The following RBFOX1 variants were observed in gnomAD, a reference collection of about 807,000 sequenced individuals.
RBFOX1 encodes the protein RNA binding fox-1 homolog 1.
Under a neutral mutation model 57.7 loss-of-function variants are expected in RBFOX1, and 8 were observed. That is an observed-to-expected ratio of 0.14 (90% CI 0.08 to 0.25). RBFOX1 has a LOEUF of 0.25. Ranked by LOEUF, RBFOX1 falls within the 10% of genes least tolerant of loss-of-function variation. RBFOX1 has a pLI of 1.00. For synonymous variants in RBFOX1, 326 were observed against 222.4 expected, an observed-to-expected ratio of 1.47 and a Z score of -4.15; for missense variants, 611 against 548.5, an observed-to-expected ratio of 1.11 and a Z score of -1.14.
intron 3 of RBFOX1, among the ~76,000 whole-genome samples, chr16:6,916,596 G>A (rs2073220993): frequency 6.6e-6 from 1 of 151,924 alleles, no homozygotes; most frequent in African/African-American, 2.4e-5. Context: ...CACTTGTAAG[G>A]CCTTCCATCT....
Position 7,504,802 on chromosome 16 carries a change from T to TA in RBFOX1, c.28-13345_28-13344insA, listed in dbSNP as rs1257816857. Among the ~76,000 whole-genome samples the TA allele has an allele frequency of 7.6e-4, 45 of 59,342 alleles. 6 individuals are homozygous for TA. Among genetic ancestry groups the TA allele is most frequent in the African/African-American group, 2.6e-3 (42 of 16,370 alleles). The allele number at this position is 59,342 out of a possible 152,430, so 38.9% of individuals were successfully genotyped here. On this transcript the variant is annotated intron_variant, in intron 4 of 15. Coordinates refer to ENST00000550418, the MANE Select transcript of RBFOX1 (RefSeq NM_018723.4). Reference sequence around the variant, plus strand: ...ATATATATATTTATATATATATATATTTATATATATATATATAGTGACTAA... The same window carrying TA: ...ATATATATATTTATATATATATATATATTATATATATATATATAGTGACTAA...
At chr16:6,719,680 T>C (rs1041527624) in intron 3 of RBFOX1, among the ~76,000 whole-genome samples, 10 of 151,936 alleles carry the variant, frequency 6.6e-5, no homozygotes, top group Admixed American at 5.9e-4. Context: ...TCTCCTGACC[T>C]TGTGATCCAC....
rs377505585 is a variant in RBFOX1, at chr16:6,676,901, C to A, written c.-16+22251C>A. 4.1e-4 allele frequency among the ~76,000 whole-genome samples: 62 copies of A among 152,074 alleles called. 1 individual carries two copies. The East Asian group carries it at 0.011, about 27-fold the overall frequency. ...ATGTTGGCCATGCTGGTTTTGAACC[C>A]TTGACCTCAGGTGATCTGCCCACCT... is the stretch of plus-strand genomic sequence containing the variant. On this transcript the variant is annotated intron_variant, in intron 3 of 15. Transcript: ENST00000550418.
At chr16:5,258,015 AC>A (rs1307376691) in intron 1 of RBFOX1, among the ~76,000 whole-genome samples, 1 of 151,976 alleles carries the variant, frequency 6.6e-6, no homozygotes, top group Non-Finnish European at 1.5e-5. Flanking sequence ...AGTAGCTGGG[AC>A]TGCGGGTGCA....
At chr16:6,897,149 A>G (rs917169231) in intron 3 of RBFOX1, among the ~76,000 whole-genome samples, 2 of 152,218 alleles carry the variant, frequency 1.3e-5, no homozygotes, top group Admixed American at 1.3e-4. Flanking sequence ...TAACTTGCCC[A>G]AGCTGACACA....
intron 4 of RBFOX1, among the ~76,000 whole-genome samples, chr16:6,008,217 C>T (rs77562254): frequency 0.019 from 2,419 of 126,848 alleles, 16 homozygotes; most frequent in South Asian, 0.081. Context: ...CCACCCACCC[C>T]CCAAAAAAAG....
intron 2 of RBFOX1, among the ~76,000 whole-genome samples, chr16:5,496,182 C>T (rs757248842): frequency 6.6e-6 from 1 of 152,164 alleles, no homozygotes; most frequent in Non-Finnish European, 1.5e-5. Flanking sequence ...CCAAACCCCG[C>T]TGAGCACATC....
intron 1 of RBFOX1, among the ~76,000 whole-genome samples, chr16:5,286,021 C>T (rs1295897574): frequency 2.6e-5 from 4 of 152,142 alleles, no homozygotes; most frequent in South Asian, 2.1e-4. Flanking sequence ...CTGCCCACAT[C>T]GGCCTCCCAA....
rs112121487 is a variant in RBFOX1 at position 6,964,949 on chromosome 16, C to A, written c.-15-87108C>A. Among the ~76,000 whole-genome samples, 793 of 152,264 alleles carry A rather than the reference C, an allele frequency of 5.2e-3. 3 individuals are homozygous for A. The highest frequency in any genetic ancestry group is 0.018 in the African/African-American group (748 of 41,542). On this transcript the variant is annotated intron_variant, in intron 3 of 15. Transcript: ENST00000550418. ...TCTGCGGATTAAAGGAGATAACAGACGCCAGGCACTTAGCAGCGAGTGTGG... is the reference window on the plus strand; with the variant it reads ...TCTGCGGATTAAAGGAGATAACAGAAGCCAGGCACTTAGCAGCGAGTGTGG...
intron 4 of RBFOX1, among the ~76,000 whole-genome samples, chr16:7,315,475 G>C (rs2096416954): frequency 6.8e-6 from 1 of 147,470 alleles, no homozygotes; most frequent in African/African-American, 2.5e-5. Flanking sequence ...CCCATACTGG[G>C]GGCTTGAATT....
chr16:5,394,459 GC>G (rs1425203028), intron 1 of RBFOX1, among the ~76,000 whole-genome samples: 1 of 151,800 alleles, frequency 6.6e-6, no homozygotes, highest in Admixed American at 6.6e-5. Flanking sequence ...ATATCATCTG[GC>G]TCTTCGCTTT....
chr16:7,393,923 C>G (rs76728171), intron 4 of RBFOX1, among the ~76,000 whole-genome samples: 9,875 of 152,030 alleles, frequency 0.065, 399 homozygotes, highest in East Asian at 0.2. Flanking sequence ...GGGAGGATGG[C>G]TGAGGCACCA....
At chr16:7,354,075 G>C (rs1323701148) in intron 4 of RBFOX1, among the ~76,000 whole-genome samples, 1 of 152,074 alleles carries the variant, frequency 6.6e-6, no homozygotes, top group South Asian at 2.1e-4. Context: ...AGGTTCAAGC[G>C]ATTCTCCTGC....
intron 5 of RBFOX1, among the ~76,000 whole-genome samples, chr16:7,556,115 C>A (rs533413212): frequency 3.0e-4 from 46 of 152,300 alleles, no homozygotes; most frequent in Non-Finnish European, 5.4e-4. Flanking sequence ...GGTAAACACT[C>A]TAAATTTTCT....
chr16:5,746,165 A>T (rs1436990205), intron 3 of RBFOX1, among the ~76,000 whole-genome samples: 1 of 152,198 alleles, frequency 6.6e-6, no homozygotes, highest in African/African-American at 2.4e-5. Context: ...ATGGCTAGCC[A>T]GTTTTCCCAG....
intron 1 of RBFOX1, among the ~76,000 whole-genome samples, chr16:6,212,885 A>T (rs539698297): frequency 1.0e-3 from 154 of 152,318 alleles, no homozygotes; most frequent in African/African-American, 3.3e-3. Context: ...AGTAAAAAAA[A>T]GTCTGTTATT....
intron 4 of RBFOX1, among the ~76,000 whole-genome samples, chr16:7,160,756 C>A (rs539050300): frequency 6.6e-6 from 1 of 150,962 alleles, no homozygotes; most frequent in Non-Finnish European, 1.5e-5. Flanking sequence ...TATGTCTATT[C>A]CTCCTCCTCC....
chr16:7,008,373 C>A (rs1373407770), intron 3 of RBFOX1, among the ~76,000 whole-genome samples: 1 of 151,940 alleles, frequency 6.6e-6, no homozygotes, highest in Admixed American at 6.6e-5. Context: ...GAAACCCTGT[C>A]TCTACTAAAA....
chr16:6,383,012 G>A (rs1283943178), intron 2 of RBFOX1, among the ~76,000 whole-genome samples: 1 of 152,302 alleles, frequency 6.6e-6, no homozygotes, highest in South Asian at 2.1e-4. Flanking sequence ...CAGAGGCAGC[G>A]AAATCCTAAC....
Sources: allele counts gnomAD v4.1 joint callset (sites outside exome capture counted in the v4.1 genomes callset), GRCh38; gene constraint gnomAD v4.1.1; transcripts MANE v1.5; gene names NCBI Gene and HGNC (gene_info 2026-07-23, HGNC 2026-07-21).